MYT1L: variants seen among roughly 807,000 people sequenced by gnomAD.
MYT1L encodes myelin transcription factor 1 like.
Under a neutral mutation model 126.7 loss-of-function variants are expected in MYT1L, and 12 were observed. The ratio of observed to expected loss-of-function variants is 0.09; its 90% confidence interval spans 0.06 to 0.15. MYT1L has a LOEUF of 0.15. Among genes scored for constraint, MYT1L ranks in the 10% least tolerant of loss-of-function variants. The pLI is 1.00. For missense variants in MYT1L, 979 were observed against 1,585.2 expected, an observed-to-expected ratio of 0.62 and a Z score of 6.49; for synonymous variants, 541 against 604.2, an observed-to-expected ratio of 0.90 and a Z score of 1.53.
At chr2:2,257,600 G>C (rs965383643) in intron 2 of MYT1L, among the ~76,000 whole-genome samples, 1 of 152,178 alleles carries the variant, frequency 6.6e-6, no homozygotes, top group African/African-American at 2.4e-5. Context: ...TGCTAAGAGA[G>C]TAGCCTCAAG....
intron 3 of MYT1L, among the ~76,000 whole-genome samples, chr2:2,116,624 C>T (rs1205419611): frequency 4.6e-5 from 7 of 152,366 alleles, no homozygotes; most frequent in South Asian, 2.1e-4. Context: ...TTTTGATCAA[C>T]GCAATGCAGT....
chr2:2,236,789 TCTTCTTCTTCTTCTTCTTCTTCTTC>T (rs1559420730), intron 2 of MYT1L, among the ~76,000 whole-genome samples: 230 of 18,168 alleles, frequency 0.013, 1 homozygote, highest in South Asian at 0.019. Flanking sequence ...TTCTTCTTCT[TCTTCTTCTTCTTCTTCTTCTTCTTC>T]TTTTTTTTTT....
intron 2 of MYT1L, among the ~76,000 whole-genome samples, chr2:2,270,675 G>T (rs1274475982): frequency 6.6e-6 from 1 of 151,936 alleles, no homozygotes; most frequent in Non-Finnish European, 1.5e-5. Context: ...CTTTAAGTGT[G>T]GCCATAAAAG....
intron 2 of MYT1L, among the ~76,000 whole-genome samples, chr2:2,179,091 G>A (rs2091135596): frequency 6.6e-6 from 1 of 152,100 alleles, no homozygotes; most frequent in African/African-American, 2.4e-5. Flanking sequence ...ATAGGAACCT[G>A]GGGTACTGCG....
intron 2 of MYT1L, among the ~76,000 whole-genome samples, chr2:2,229,719 T>C (rs1281374535): frequency 2.0e-5 from 3 of 152,104 alleles, no homozygotes; most frequent in Non-Finnish European, 4.4e-5. Flanking sequence ...TATGTATATG[T>C]ATGTATATGC....
intron 4 of MYT1L, among the ~76,000 whole-genome samples, chr2:2,052,712 C>T (rs2068982109): frequency 6.6e-6 from 1 of 152,096 alleles, no homozygotes; most frequent in Admixed American, 6.5e-5. Context: ...ATCAAAACCA[C>T]AATAGGATGC....
intron 9 of MYT1L, among the ~76,000 whole-genome samples, chr2:1,931,301 C>G (rs1292898819): frequency 6.6e-6 from 1 of 152,226 alleles, no homozygotes; most frequent in African/African-American, 2.4e-5. Flanking sequence ...CTCACGTCTG[C>G]TGGGCCTTGC....
At chr2:1,850,094 C>T (rs867544481) in intron 19 of MYT1L, among the ~76,000 whole-genome samples, 3 of 151,730 alleles carry the variant, frequency 2.0e-5, no homozygotes, top group South Asian at 2.1e-4. Context: ...CTTTATCTCC[C>T]TCTCTCCTTC....
Position 1,979,567 on chromosome 2 carries a change from G to A in MYT1L, c.56-13C>T. 1.2e-6 allele frequency: 2 copies of A among 1,613,290 alleles called. No individual in the cohort carries two copies. The highest frequency in any genetic ancestry group is 1.7e-6 in the Non-Finnish European group (2 of 1,179,270). On this transcript the variant is annotated splice_polypyrimidine_tract_variant and intron_variant, in intron 6 of 24. Transcript: ENST00000647738. This position sits in a 1 kb window ranked among gnomAD's most constrained non-coding sequence, Gnocchi z 4.0. ...GGTTCCACGGGAACTGCAGAGAGAT[G>A]GAAATAGATAAAAATTTACCATCTA...
intron 3 of MYT1L, among the ~76,000 whole-genome samples, chr2:2,094,886 C>G (rs1381049890): frequency 1.3e-5 from 2 of 152,044 alleles, no homozygotes; most frequent in Non-Finnish European, 2.9e-5. Context: ...CTAACCTGCA[C>G]GTTGTGCACA....
At chr2:2,120,768 T>A (rs897843439) in intron 3 of MYT1L, among the ~76,000 whole-genome samples, 1 of 152,184 alleles carries the variant, frequency 6.6e-6, no homozygotes, top group Non-Finnish European at 1.5e-5. Context: ...CTCCGCACTG[T>A]GGATACGAAT....
intron 4 of MYT1L, among the ~76,000 whole-genome samples, chr2:2,003,425 C>CCAT (rs980513280): frequency 2.0e-5 from 3 of 152,170 alleles, no homozygotes; most frequent in Admixed American, 2.0e-4. Flanking sequence ...TCACCCTGGC[C>CCAT]CATGGTCCTG....
intron 18 of MYT1L, among the ~76,000 whole-genome samples, chr2:1,882,617 T>C (rs1346810139): frequency 6.6e-6 from 1 of 152,196 alleles, no homozygotes; most frequent in East Asian, 1.9e-4. Flanking sequence ...CAGAGTTCTG[T>C]GGATTGACTA....
chr2:2,207,939 T>G (rs766394123), intron 2 of MYT1L, among the ~76,000 whole-genome samples: 2 of 152,114 alleles, frequency 1.3e-5, no homozygotes, highest in Non-Finnish European at 2.9e-5. Context: ...TCTCTCTCTG[T>G]AACTCCCTTC....
At chr2:1,890,566 C>A (rs1404750881) in intron 15 of MYT1L, among the ~76,000 whole-genome samples, 19 of 151,792 alleles carry the variant, frequency 1.3e-4, no homozygotes, top group African/African-American at 4.4e-4. Context: ...TTAAATGATG[C>A]TTTGAAATGC....
At chr2:1,911,640 G>A (rs1044293862) in intron 12 of MYT1L, among the ~76,000 whole-genome samples, 1 of 152,124 alleles carries the variant, frequency 6.6e-6, no homozygotes, top group Non-Finnish European at 1.5e-5. Context: ...AATTCCAAGG[G>A]CAGCCAAGCC....
chr2:2,171,397 C>T (rs2090031397), intron 3 of MYT1L, among the ~76,000 whole-genome samples: 1 of 152,184 alleles, frequency 6.6e-6, no homozygotes, highest in Admixed American at 6.5e-5. Context: ...ACATCTAACT[C>T]AATGCCAGAA....
chr2:1,917,445 G>A lies in MYT1L; in HGVS notation c.1484-106C>T, dbSNP rs968594555. ...CTTGCTAAAGAAAGAAATAAAGCAG[G>A]TGTCGGGGGCTAGGCTGTGACATCA... is the stretch of plus-strand genomic sequence containing the variant. On this transcript the variant is annotated intron_variant, in intron 10 of 24. Coordinates refer to ENST00000647738, the MANE Select transcript of MYT1L (RefSeq NM_001303052.2). This position sits in a 1 kb window ranked among gnomAD's most constrained non-coding sequence, Gnocchi z 5.9. 1.5e-5 allele frequency: 20 copies of A among 1,377,016 alleles called. No individual in the cohort carries two copies. Among genetic ancestry groups the A allele is most frequent in the Non-Finnish European group, 2.0e-5 (20 of 1,006,806 alleles). 85.3% of individuals were successfully genotyped at this position (1,377,016 alleles called of 1,614,324 possible).
At chr2:2,029,143 T>C (rs1360386153) in intron 4 of MYT1L, among the ~76,000 whole-genome samples, 1 of 152,154 alleles carries the variant, frequency 6.6e-6, no homozygotes, top group Non-Finnish European at 1.5e-5. Flanking sequence ...AGAAAGGTAA[T>C]ATTTTATTGA....
Sources: gnomAD v4.1 joint callset for allele counts (sites outside exome capture counted in the v4.1 genomes callset) on GRCh38, gnomAD v4.1.1 for gene constraint, Gnocchi (gnomAD v3.1) non-coding constraint, MANE v1.5 for transcripts, NCBI Gene and HGNC (gene_info 2026-07-23, HGNC 2026-07-21) for gene names.